Variants in AJAP1 observed in about 807,000 individuals in gnomAD.
AJAP1 encodes the protein adherens junctions associated protein 1.
A neutral mutation model predicts 35.0 loss-of-function variants in AJAP1; 5 were observed. That is an observed-to-expected ratio of 0.14 (90% CI 0.07 to 0.30). AJAP1 has a LOEUF of 0.30. AJAP1 is among the 10% of genes least tolerant of loss of function. The probability of loss-of-function intolerance (pLI) is 1.00; values close to 1 mark genes in which losing one functional copy is unlikely to be tolerated. For synonymous variants in AJAP1, 284 were observed against 249.3 expected, an observed-to-expected ratio of 1.14 and a Z score of -1.31; for missense variants, 586 against 571.0, an observed-to-expected ratio of 1.03 and a Z score of -0.27.
At chr1:4,743,138 G>T (rs1266263076) in intron 2 of AJAP1, among the ~76,000 whole-genome samples, 2 of 152,218 alleles carry the variant, frequency 1.3e-5, no homozygotes, top group Non-Finnish European at 2.9e-5. Context: ...ACATCCACCT[G>T]CCAACTGCTA....
chr1:4,762,577 C>T (rs2100348526), intron 2 of AJAP1, among the ~76,000 whole-genome samples: 1 of 152,358 alleles, frequency 6.6e-6, no homozygotes, highest in Admixed American at 6.5e-5. Context: ...CTACATTTCT[C>T]CACTGCAAGA....
rs759044827 is a variant in AJAP1, at chr1:4,712,428, G to C, written c.558G>C (p.Thr186=). The change falls in exon 2 of 6, where the codon ACG becomes ACC. Residue 186 remains threonine, a synonymous_variant. Coordinates refer to ENST00000378191, the MANE Select transcript of AJAP1 (RefSeq NM_018836.4). ...CTGAGTTCATCGCCTGGGGGCCCACGGGGGACGAGGAGGCCCTGGAGTCCA... is the reference window on the plus strand; with the variant it reads ...CTGAGTTCATCGCCTGGGGGCCCACCGGGGACGAGGAGGCCCTGGAGTCCA... The part of the protein sequence containing the change: ...TETEFIAWGP[T]GDEEALESNT... 6.2e-7 allele frequency: 1 copy of C among 1,603,032 alleles called. No individual in the cohort carries two copies.
At chr1:4,664,858 C>T (rs1639081103) in intron 1 of AJAP1, among the ~76,000 whole-genome samples, 1 of 152,098 alleles carries the variant, frequency 6.6e-6, no homozygotes, top group Non-Finnish European at 1.5e-5. Context: ...AAGCAATCAC[C>T]CACGGATGGT....
chr1:4,698,321 C>T (rs1386951910), intron 1 of AJAP1, among the ~76,000 whole-genome samples: 2 of 152,210 alleles, frequency 1.3e-5, no homozygotes, highest in African/African-American at 2.4e-5. Flanking sequence ...GAGCCACATG[C>T]TCCCTGGAGG....
intron 2 of AJAP1, among the ~76,000 whole-genome samples, chr1:4,719,165 T>G (rs991940515): frequency 3.3e-5 from 5 of 152,218 alleles, no homozygotes; most frequent in Non-Finnish European, 5.9e-5. Flanking sequence ...TTAGACTTTT[T>G]GTTTTACTGT....
chr1:4,762,832 C>A (rs1416847866), intron 2 of AJAP1, among the ~76,000 whole-genome samples: 1 of 152,168 alleles, frequency 6.6e-6, no homozygotes, highest in Non-Finnish European at 1.5e-5. Context: ...CTTCATGGTG[C>A]TGTAGTGAGC....
intron 1 of AJAP1, among the ~76,000 whole-genome samples, chr1:4,660,717 AG>A (rs1466853531): frequency 4.6e-5 from 7 of 151,890 alleles, no homozygotes; most frequent in South Asian, 2.1e-4. Flanking sequence ...AAATGGGGAA[AG>A]GGGTAAAAAA....
chr1:4,731,704 G>T (rs752111364), intron 2 of AJAP1, among the ~76,000 whole-genome samples: 5 of 152,204 alleles, frequency 3.3e-5, no homozygotes, highest in Non-Finnish European at 7.3e-5. Flanking sequence ...GTCCAGAAAG[G>T]CCTGGGACCT....
At position 4,791,326 on chromosome 1, in the gene AJAP1, A is replaced by G. The variant is rs1311034869; in HGVS notation, c.*8841A>G. The G allele has an allele frequency of 6.6e-6, 1 of 152,234 alleles. No homozygotes were observed. The highest frequency in any genetic ancestry group is 2.4e-5 in the African/African-American group (1 of 41,452). The allele number at this position is 152,234 out of a possible 1,614,324, so 9.4% of individuals were successfully genotyped here. On this transcript the variant is annotated 3_prime_UTR_variant, in exon 6 of 6. Coordinates refer to ENST00000378191, the MANE Select transcript of AJAP1 (RefSeq NM_018836.4). ...TGATAACATTTTTAGAGTCTGTTAC[A>G]TTATTTTCTCAAAAGGAACACATGT...
At chr1:4,677,600 T>G (rs899781808) in intron 1 of AJAP1, among the ~76,000 whole-genome samples, 2 of 151,866 alleles carry the variant, frequency 1.3e-5, no homozygotes, top group African/African-American at 4.8e-5. Flanking sequence ...TAAAAAAAAA[T>G]TTAACATCTG....
rs11801722 is a variant in AJAP1 at position 4,692,734 on chromosome 1, C to T, written c.30-19166C>T. Among the ~76,000 whole-genome samples, 14 of 152,204 alleles carry T rather than the reference C, an allele frequency of 9.2e-5. No homozygotes were observed. The highest frequency in any genetic ancestry group is 3.1e-4 in the African/African-American group (13 of 41,440). ...TCAGCCAAGCAGAGATGAAGCCACCCTGGCACTCTGCTGTCCTCCCTCCAG... is the reference window on the plus strand; with the variant it reads ...TCAGCCAAGCAGAGATGAAGCCACCTTGGCACTCTGCTGTCCTCCCTCCAG... On this transcript the variant is annotated intron_variant, in intron 1 of 5. Coordinates refer to ENST00000378191, the MANE Select transcript of AJAP1 (RefSeq NM_018836.4). The surrounding 1 kb of genome is among the most constrained non-coding windows in gnomAD (Gnocchi z 4.4).
At chr1:4,763,206 A>C (rs889210969) in intron 2 of AJAP1, among the ~76,000 whole-genome samples, 1 of 152,134 alleles carries the variant, frequency 6.6e-6, no homozygotes, top group Non-Finnish European at 1.5e-5. Context: ...TGACCACCCA[A>C]AGTGTCTCCA....
intron 5 of AJAP1, among the ~76,000 whole-genome samples, chr1:4,780,622 T>C (rs1642039707): frequency 1.6e-5 from 2 of 125,414 alleles, no homozygotes; most frequent in South Asian, 6.1e-4. Context: ...TTTTCTTTTC[T>C]TTCTTTCTTT....
intron 3 of AJAP1, among the ~76,000 whole-genome samples, chr1:4,771,140 C>G (rs1266619714): frequency 6.6e-6 from 1 of 152,140 alleles, no homozygotes. Context: ...TTCTCACACT[C>G]GAGCTTATAG....
At chr1:4,704,039 A>G (rs898688815) in intron 1 of AJAP1, among the ~76,000 whole-genome samples, 2 of 152,176 alleles carry the variant, frequency 1.3e-5, no homozygotes, top group African/African-American at 4.8e-5. Flanking sequence ...CATTGAAGGT[A>G]GGGGTTAAGC....
chr1:4,704,922 T>C (rs1640067552), intron 1 of AJAP1, among the ~76,000 whole-genome samples: 2 of 152,260 alleles, frequency 1.3e-5, no homozygotes, highest in South Asian at 2.1e-4. Context: ...GGTGAGCATT[T>C]GTTCATGTGT....
At chr1:4,748,537 C>T (rs895997942) in intron 2 of AJAP1, among the ~76,000 whole-genome samples, 2 of 152,050 alleles carry the variant, frequency 1.3e-5, no homozygotes. Flanking sequence ...CACCTGAGGT[C>T]AGGAGTTTGA....
rs887391329 is a variant in AJAP1 at position 4,790,764 on chromosome 1, A to G, written c.*8279A>G. 6 of 152,166 alleles carry G rather than the reference A, an allele frequency of 3.9e-5. No homozygotes were observed. The highest frequency in any genetic ancestry group is 1.4e-4 in the African/African-American group (6 of 41,432). 9.4% of individuals were successfully genotyped at this position (152,166 alleles called of 1,614,324 possible). A position where few individuals can be genotyped will look rare whatever the true frequency, so the allele number is the denominator to read the frequency against. ...CAGCAGACGTCTCAGGATCTGTCAT[A>G]TGTCATGTTGCTTGGTGTGAAGATG... On this transcript the variant is annotated 3_prime_UTR_variant, in exon 6 of 6. Transcript: ENST00000378191.
At chr1:4,722,693 C>T (rs1640549863) in intron 2 of AJAP1, among the ~76,000 whole-genome samples, 1 of 152,214 alleles carries the variant, frequency 6.6e-6, no homozygotes, top group Non-Finnish European at 1.5e-5. Flanking sequence ...TCCAGGTGCT[C>T]CTTGGCTTGT....
Sources: allele counts gnomAD v4.1 joint callset (sites outside exome capture counted in the v4.1 genomes callset), GRCh38; gene constraint gnomAD v4.1.1; non-coding constraint Gnocchi (gnomAD v3.1); transcripts MANE v1.5; gene names NCBI Gene and HGNC (gene_info 2026-07-23, HGNC 2026-07-21).